The following PRKAR2A variants were observed in gnomAD, a reference collection of about 807,000 sequenced individuals.
PRKAR2A encodes cAMP-dependent protein kinase type II-alpha regulatory subunit.
PRKAR2A carries 29 observed loss-of-function variants against 51.9 expected under a neutral mutation model. That is an observed-to-expected ratio of 0.56 (90% CI 0.42 to 0.76). The LOEUF (loss-of-function observed/expected upper bound fraction) is 0.76. PRKAR2A is among the 30% of genes least tolerant of loss of function. PRKAR2A has a pLI of 0.00. For missense variants in PRKAR2A, 445 were observed against 512.1 expected, an observed-to-expected ratio of 0.87 and a Z score of 1.26; for synonymous variants, 178 against 186.2, an observed-to-expected ratio of 0.96 and a Z score of 0.36.
intron 5 of PRKAR2A, among the ~76,000 whole-genome samples, chr3:48,775,399 T>C (rs1489718226): frequency 6.6e-6 from 1 of 151,330 alleles, no homozygotes; most frequent in Non-Finnish European, 1.5e-5. Flanking sequence ...GATCATGTCA[T>C]TGCACTCCAG....
chr3:48,806,208 T>C (rs2082673986), intron 2 of PRKAR2A, among the ~76,000 whole-genome samples: 1 of 152,194 alleles, frequency 6.6e-6, no homozygotes, highest in South Asian at 2.1e-4. Flanking sequence ...ATGAGCCGAT[T>C]TTCTCAAAGA....
chr3:48,807,263 T>C (rs1285912255), intron 2 of PRKAR2A, among the ~76,000 whole-genome samples: 1 of 152,110 alleles, frequency 6.6e-6, no homozygotes, highest in East Asian at 1.9e-4. Context: ...GCTCAGTCTC[T>C]GACCAGAGAA....
intron 5 of PRKAR2A, among the ~76,000 whole-genome samples, chr3:48,781,848 G>A (rs1030978859): frequency 1.4e-4 from 22 of 152,062 alleles, no homozygotes; most frequent in African/African-American, 5.1e-4. Context: ...GTTTCACCAC[G>A]TTGGCCAGGC....
chr3:48,760,532 T>C (rs953940610), intron 8 of PRKAR2A, among the ~76,000 whole-genome samples: 11 of 151,454 alleles, frequency 7.3e-5, no homozygotes, highest in Non-Finnish European at 8.8e-5. Flanking sequence ...AAAAATTAGC[T>C]GGGTGTAGGC....
At chr3:48,838,994 A>G (rs2083332360) in intron 1 of PRKAR2A, among the ~76,000 whole-genome samples, 1 of 151,582 alleles carries the variant, frequency 6.6e-6, no homozygotes, top group Non-Finnish European at 1.5e-5. Flanking sequence ...AAAAAAAAAA[A>G]TTGTTATGGT....
At chr3:48,845,535 T>G (rs2083448087) in intron 1 of PRKAR2A, among the ~76,000 whole-genome samples, 1 of 152,262 alleles carries the variant, frequency 6.6e-6, no homozygotes, top group South Asian at 2.1e-4. Flanking sequence ...CATTGTTTTG[T>G]TAAATTTTAG....
At chr3:48,761,090 T>C (rs2081857064) in intron 8 of PRKAR2A, among the ~76,000 whole-genome samples, 1 of 152,048 alleles carries the variant, frequency 6.6e-6, no homozygotes, top group East Asian at 1.9e-4. Context: ...GAGACCATGC[T>C]GGCTAACACG....
intron 5 of PRKAR2A, among the ~76,000 whole-genome samples, chr3:48,778,956 G>T (rs1394524494): frequency 6.6e-6 from 1 of 150,950 alleles, no homozygotes; most frequent in Non-Finnish European, 1.5e-5. Context: ...CTCCTAAGTA[G>T]CTGGGATTAA....
At chr3:48,824,594 AAAGAAAGAAAG>A (rs1313808738) in intron 1 of PRKAR2A, among the ~76,000 whole-genome samples, 22 of 138,616 alleles carry the variant, frequency 1.6e-4, no homozygotes, top group Non-Finnish European at 2.5e-4. Context: ...AGAAAGAAAG[AAAGAAAGAAAG>A]AACCCTGCAC....
chr3:48,831,792 T>A (rs1485275987), intron 1 of PRKAR2A, among the ~76,000 whole-genome samples: 1 of 151,954 alleles, frequency 6.6e-6, no homozygotes, highest in Non-Finnish European at 1.5e-5. Context: ...AATTTTTGTA[T>A]GTTTAGTAGA....
chr3:48,832,884 G>C (rs751046524), intron 1 of PRKAR2A, among the ~76,000 whole-genome samples: 2 of 152,074 alleles, frequency 1.3e-5, no homozygotes, highest in South Asian at 4.1e-4. Context: ...AAAAACTAAG[G>C]CTGCTGTGTG....
At chr3:48,745,527 GTTTTTTT>G (rs34668049), downstream of PRKAR2A, among the ~76,000 whole-genome samples, 165 of 70,438 alleles carry the variant, frequency 2.3e-3, no homozygotes, top group South Asian at 1.4e-3. Flanking sequence ...TTTGGATAAG[GTTTTTTT>G]TTTTTTTTTT....
At chr3:48,845,563 A>C (rs2083448447) in intron 1 of PRKAR2A, among the ~76,000 whole-genome samples, 1 of 152,264 alleles carries the variant, frequency 6.6e-6, no homozygotes, top group Admixed American at 6.5e-5. Flanking sequence ...AAAGTAGGCC[A>C]ATTCTACTGT....
chr3:48,762,144 G>A (rs1034595186), intron 8 of PRKAR2A, among the ~76,000 whole-genome samples: 2 of 152,134 alleles, frequency 1.3e-5, no homozygotes, highest in Non-Finnish European at 2.9e-5. Flanking sequence ...TGAAGGCCAG[G>A]TGCGGAGGTG....
At chr3:48,806,257 A>C (rs1054582097) in intron 2 of PRKAR2A, among the ~76,000 whole-genome samples, 1 of 152,240 alleles carries the variant, frequency 6.6e-6, no homozygotes, top group African/African-American at 2.4e-5. Context: ...CTAGCCCTAT[A>C]ATAGGCCAGA....
In PRKAR2A at chr3:48,780,684, G is replaced by A. The variant is rs376394468; in HGVS notation, c.542+2302C>T. ...CAAGAACCCAAAGGTTACTCAAGGA[G>A]GGAGAGTATTTTCTGTTCAAGAATC... On this transcript the variant is annotated intron_variant, in intron 5 of 10. Transcript: ENST00000265563. Among the ~76,000 whole-genome samples, 22 of 151,772 alleles carry A rather than the reference G, an allele frequency of 1.4e-4. No homozygotes were observed. In the East Asian group the frequency reaches 2.5e-3, roughly 17 times the overall value.
intron 1 of PRKAR2A, among the ~76,000 whole-genome samples, chr3:48,835,235 T>C (rs1009592845): frequency 6.6e-6 from 1 of 151,254 alleles, no homozygotes; most frequent in Non-Finnish European, 1.5e-5. Flanking sequence ...CCGCCCGAAG[T>C]GCTGGGATTA....
chr3:48,821,513 T>C (rs984102565), intron 1 of PRKAR2A, among the ~76,000 whole-genome samples: 4 of 152,196 alleles, frequency 2.6e-5, no homozygotes, highest in South Asian at 2.1e-4. Context: ...CTAGGATCAA[T>C]AGAAATGATT....
intron 2 of PRKAR2A, among the ~76,000 whole-genome samples, chr3:48,796,207 T>C (rs2082488988): frequency 6.6e-6 from 1 of 152,154 alleles, no homozygotes; most frequent in South Asian, 2.1e-4. Flanking sequence ...CCAGAGGTAA[T>C]TTATTGCCTA....
Sources: gnomAD v4.1 joint callset for allele counts (sites outside exome capture counted in the v4.1 genomes callset) on GRCh38, gnomAD v4.1.1 for gene constraint, MANE v1.5 for transcripts, NCBI Gene and HGNC (gene_info 2026-07-23, HGNC 2026-07-21) for gene names.